CNTLN: variants seen among roughly 807,000 people sequenced by gnomAD.
CNTLN encodes the protein centlein, centrosomal protein.
CNTLN carries 212 observed loss-of-function variants against 180.0 expected under a neutral mutation model. The observed-to-expected ratio is 1.18, with a 90% CI of 1.05 to 1.32. The LOEUF is 1.32. CNTLN is among the 40% of genes most tolerant of loss of function. The pLI, the probability that CNTLN is intolerant of heterozygous loss-of-function variation, is 0.00. For synonymous variants in CNTLN, 722 were observed against 563.1 expected (o/e 1.28, Z -3.99); for missense variants, 2,095 against 1,610.9 (o/e 1.30, Z -5.14).
intron 1 of CNTLN, among the ~76,000 whole-genome samples, chr9:17,136,343 A>G (rs1465638018): frequency 6.6e-6 from 1 of 152,184 alleles, no homozygotes. Flanking sequence ...GTTTAATAAA[A>G]CAGTTCATGA....
chr9:17,519,632 G>GAT, the CNTLN span, among the ~76,000 whole-genome samples: 1 of 152,168 alleles, frequency 6.6e-6, no homozygotes, highest in Admixed American at 6.5e-5. Context: ...TTCTTTGCAA[G>GAT]ATATATGGTG....
At chr9:17,244,341 A>ACAG (rs1161203519) in intron 5 of CNTLN, among the ~76,000 whole-genome samples, 2 of 151,902 alleles carry the variant, frequency 1.3e-5, no homozygotes, top group African/African-American at 2.4e-5. Context: ...CCTCTTGAGT[A>ACAG]GCTGAGGCTA....
At chr9:17,469,650 G>A (rs1400433351) in intron 23 of CNTLN, among the ~76,000 whole-genome samples, 1 of 151,816 alleles carries the variant, frequency 6.6e-6, no homozygotes, top group Non-Finnish European at 1.5e-5. Context: ...TTATTCTGCT[G>A]AAGTCTAATC....
At chr9:17,224,864 G>GAA (rs1196811419) in intron 2 of CNTLN, among the ~76,000 whole-genome samples, 1 of 151,818 alleles carries the variant, frequency 6.6e-6, no homozygotes, top group Non-Finnish European at 1.5e-5. Flanking sequence ...GAACTAGTAT[G>GAA]TCAGTGTATG....
chr9:17,229,926 T>TA (rs1824707685), intron 3 of CNTLN, among the ~76,000 whole-genome samples: 2 of 152,152 alleles, frequency 1.3e-5, no homozygotes, highest in African/African-American at 4.8e-5. Flanking sequence ...AGAGATTTTA[T>TA]AAATATCCTT....
intron 18 of CNTLN, among the ~76,000 whole-genome samples, chr9:17,443,154 G>A (rs137892573): frequency 1.3e-5 from 2 of 152,256 alleles, no homozygotes; most frequent in Admixed American, 6.5e-5. Context: ...TTGTACTTGA[G>A]TACCTAACCA....
intron 8 of CNTLN, among the ~76,000 whole-genome samples, chr9:17,310,400 T>C (rs1313433425): frequency 6.6e-6 from 1 of 152,206 alleles, no homozygotes; most frequent in Non-Finnish European, 1.5e-5. Context: ...TTTTTTGATA[T>C]AGGTGTTTGT....
chr9:17,162,735 G>A (rs1196938906), intron 2 of CNTLN, among the ~76,000 whole-genome samples: 1 of 152,172 alleles, frequency 6.6e-6, no homozygotes, highest in East Asian at 1.9e-4. Context: ...TTGGTGGGCA[G>A]GAGAGTGCAC....
the CNTLN span, among the ~76,000 whole-genome samples, chr9:17,513,062 G>A: frequency 7.9e-5 from 12 of 152,152 alleles, no homozygotes; most frequent in South Asian, 2.1e-4. Context: ...CTCGTGATCC[G>A]CCCTCCTTGG....
chr9:17,467,385 T>C (rs560241729), intron 23 of CNTLN, among the ~76,000 whole-genome samples: 1 of 151,514 alleles, frequency 6.6e-6, no homozygotes, highest in African/African-American at 2.4e-5. Context: ...CTAGAAATTA[T>C]CTAAAAGCTG....
At chr9:17,196,002 A>T (rs7045736) in intron 2 of CNTLN, among the ~76,000 whole-genome samples, 7,396 of 152,210 alleles carry the variant, frequency 0.049, 172 homozygotes, top group South Asian at 0.072. Context: ...ATTAAAAGTC[A>T]TATAGATCAG....
At chr9:17,213,622 T>G (rs561019816) in intron 2 of CNTLN, among the ~76,000 whole-genome samples, 1 of 152,310 alleles carries the variant, frequency 6.6e-6, no homozygotes, top group Admixed American at 6.5e-5. Context: ...GTTAACTTTC[T>G]GACTCGTTGG....
chr9:17,322,367 A>G (rs2133048118), intron 8 of CNTLN, among the ~76,000 whole-genome samples: 1 of 152,242 alleles, frequency 6.6e-6, no homozygotes, highest in South Asian at 2.1e-4. Flanking sequence ...ATATTCACAA[A>G]ATTTGAACTT....
intron 12 of CNTLN, among the ~76,000 whole-genome samples, chr9:17,355,892 GTC>G (rs10598074): frequency 0.55 from 82,550 of 151,126 alleles, 23,231 homozygotes; most frequent in East Asian, 0.73. Context: ...GTGAAAGCCC[GTC>G]TCTACTAAAA....
rs568907262 is a variant in CNTLN at position 17,466,050 on chromosome 9, G to T, written c.3601G>T (p.Val1201Phe). The stretch of plus-strand genomic sequence containing the variant: ...TGATTCACTAAAGCAAAGACTTAAC[G>T]TTGCTGTAAAAGAAAAGTCACAGTA... ...SIDSLKQRLN[V>F]AVKEKSQYEQ... The change falls in exon 22 of 26, where the codon GTT (valine) becomes TTT (phenylalanine). Residue 1201 changes from valine (V) to phenylalanine (F), a missense_variant. By Grantham distance (50) the Val-to-Phe change is conservative. Transcript: ENST00000380647. The T allele has an allele frequency of 6.2e-7, 1 of 1,603,524 alleles. No individual in the cohort carries two copies. The highest frequency in any genetic ancestry group is 2.2e-5 in the East Asian group (1 of 44,516).
chr9:17,169,817 T>C (rs1436256571), intron 2 of CNTLN, among the ~76,000 whole-genome samples: 4 of 152,206 alleles, frequency 2.6e-5, no homozygotes, highest in African/African-American at 9.6e-5. Context: ...TAATCTGATT[T>C]GAAATCAGGA....
chr9:17,314,383 G>A (rs1156574931), intron 8 of CNTLN, among the ~76,000 whole-genome samples: 1 of 152,170 alleles, frequency 6.6e-6, no homozygotes, highest in East Asian at 1.9e-4. Flanking sequence ...TCATGGAAGT[G>A]TTGAAATAAA....
rs781205814 is a variant in CNTLN at position 17,135,065 on chromosome 9, C to T, written c.-1C>T. ...AACTTGACCCGTTAGCAGCCGCAGC[C>T]ATGGCGGCGCGTTCGCCTCCCTCAC... On this transcript the variant is annotated 5_prime_UTR_variant, in exon 1 of 26. Coordinates refer to ENST00000380647, the MANE Select transcript of CNTLN (RefSeq NM_017738.4). 4 of 1,595,650 alleles carry T rather than the reference C, an allele frequency of 2.5e-6. No individual in the cohort carries two copies. The highest frequency in any genetic ancestry group is 3.4e-6 in the Non-Finnish European group (4 of 1,175,792).
chr9:17,205,326 A>C (rs1822840738), intron 2 of CNTLN, among the ~76,000 whole-genome samples: 1 of 152,236 alleles, frequency 6.6e-6, no homozygotes, highest in Non-Finnish European at 1.5e-5. Context: ...AATTAACATG[A>C]TAAGCAAATT....
Sources: gnomAD v4.1 joint callset for allele counts (sites outside exome capture counted in the v4.1 genomes callset) on GRCh38, gnomAD v4.1.1 for gene constraint, MANE v1.5 for transcripts, NCBI Gene and HGNC (gene_info 2026-07-23, HGNC 2026-07-21) for gene names.